The following STARD13 variants were observed in gnomAD, a reference collection of about 807,000 sequenced individuals.
STARD13 encodes the protein stAR-related lipid transfer protein 13.
A neutral mutation model predicts 106.4 loss-of-function variants in STARD13; 62 were observed. That is an observed-to-expected ratio of 0.58 (90% CI 0.48 to 0.72). The LOEUF is 0.72. Among genes scored for constraint, STARD13 ranks in the 30% least tolerant of loss-of-function variants. The pLI is 0.00. For missense variants in STARD13, 1,387 were observed against 1,424.0 expected, an observed-to-expected ratio of 0.97 and a Z score of 0.42; for synonymous variants, 565 against 553.0, an observed-to-expected ratio of 1.02 and a Z score of -0.31.
the STARD13 span, among the ~76,000 whole-genome samples, chr13:33,367,444 G>A: frequency 6.6e-6 from 1 of 152,050 alleles, no homozygotes; most frequent in Non-Finnish European, 1.5e-5. Context: ...TCAGTTAACT[G>A]CAGTAAGGAG....
chr13:33,442,960 A>T, the STARD13 span, among the ~76,000 whole-genome samples: 2 of 152,230 alleles, frequency 1.3e-5, no homozygotes, highest in African/African-American at 4.8e-5. Context: ...AAGAAGGAAT[A>T]GGGAGTTATT....
chr13:33,470,576 C>T, the STARD13 span, among the ~76,000 whole-genome samples: 3 of 152,216 alleles, frequency 2.0e-5, no homozygotes, highest in Non-Finnish European at 4.4e-5. Context: ...CACATCCTCT[C>T]CAGCATCTGT....
At chr13:33,242,624 G>A (rs900097989) in intron 1 of STARD13, among the ~76,000 whole-genome samples, 4 of 152,084 alleles carry the variant, frequency 2.6e-5, no homozygotes, top group South Asian at 2.1e-4. Context: ...GAAGGCGGCA[G>A]GGCCCTCTGC....
the STARD13 span, among the ~76,000 whole-genome samples, chr13:33,613,042 T>A: frequency 6.6e-6 from 1 of 152,244 alleles, no homozygotes; most frequent in Non-Finnish European, 1.5e-5. Context: ...TCTCTTTTTC[T>A]CAGAATTATA....
At chr13:33,410,213 T>C in the STARD13 span, among the ~76,000 whole-genome samples, 89 of 152,366 alleles carry the variant, frequency 5.8e-4, no homozygotes, top group Non-Finnish European at 1.1e-3. Context: ...GGTTAGGTCA[T>C]TGTCAGATGA....
the STARD13 span, among the ~76,000 whole-genome samples, chr13:33,662,217 A>T: frequency 6.6e-6 from 1 of 151,480 alleles, no homozygotes; most frequent in Non-Finnish European, 1.5e-5. Context: ...AGCCGAGATC[A>T]TGCCACTGTA....
At chr13:33,201,785 G>A (rs906086333) in intron 1 of STARD13, among the ~76,000 whole-genome samples, 1 of 152,126 alleles carries the variant, frequency 6.6e-6, no homozygotes, top group Non-Finnish European at 1.5e-5. Context: ...TGGAAGCATG[G>A]TAAGAAGTTG....
chr13:33,113,597 T>A (rs1161356687), intron 8 of STARD13: 1 of 513,100 alleles, frequency 1.9e-6, no homozygotes, highest in African/African-American at 1.9e-5. Context: ...GCTATTGACT[T>A]CATGTGGAGA....
chr13:33,609,248 ACT>A, the STARD13 span, among the ~76,000 whole-genome samples: 1 of 152,064 alleles, frequency 6.6e-6, no homozygotes, highest in Non-Finnish European at 1.5e-5. Flanking sequence ...TATTTTAAAA[ACT>A]CTGCAATAAC....
At chr13:33,158,082 A>G (rs1474635011) in intron 3 of STARD13, among the ~76,000 whole-genome samples, 1 of 152,208 alleles carries the variant, frequency 6.6e-6, no homozygotes, top group Non-Finnish European at 1.5e-5. Context: ...TCTACTATGC[A>G]GCCTTGCTGA....
chr13:33,230,087 A>C (rs551646386), intron 1 of STARD13, among the ~76,000 whole-genome samples: 5 of 152,340 alleles, frequency 3.3e-5, no homozygotes, highest in Non-Finnish European at 7.3e-5. Context: ...GCGAATTTGC[A>C]ATTATTGGGA....
At chr13:33,495,095 T>C in the STARD13 span, among the ~76,000 whole-genome samples, 1 of 152,196 alleles carries the variant, frequency 6.6e-6, no homozygotes, top group Non-Finnish European at 1.5e-5. Context: ...CTGTCAAGTA[T>C]AGTAATGCCA....
intron 1 of STARD13, among the ~76,000 whole-genome samples, chr13:33,250,312 T>C (rs970273032): frequency 6.6e-6 from 1 of 152,190 alleles, no homozygotes; most frequent in Non-Finnish European, 1.5e-5. Flanking sequence ...AAGTTCCCTA[T>C]AGGAAAGCTC....
chr13:33,431,055 A>G, the STARD13 span, among the ~76,000 whole-genome samples: 3 of 152,246 alleles, frequency 2.0e-5, no homozygotes, highest in East Asian at 3.8e-4. Flanking sequence ...CAAAATAGCT[A>G]GAAGAGAACA....
intron 1 of STARD13, chr13:33,277,501 C>T (rs1891509774): frequency 6.6e-6 from 1 of 152,112 alleles, no homozygotes; most frequent in African/African-American, 2.4e-5. Context: ...TCGGAGCCAC[C>T]CATCAGTGCC....
chr13:33,154,411 G>C (rs1881699096), intron 3 of STARD13, among the ~76,000 whole-genome samples: 1 of 152,186 alleles, frequency 6.6e-6, no homozygotes, highest in South Asian at 2.1e-4. Context: ...AAACATTGAG[G>C]GCTCTAGCTA....
the STARD13 span, among the ~76,000 whole-genome samples, chr13:33,370,693 A>G: frequency 7.0e-6 from 1 of 142,750 alleles, no homozygotes; most frequent in African/African-American, 2.7e-5. Context: ...ACCTTGGCTG[A>G]CTGCAACCTC....
chr13:33,319,070 A>C (rs1893452792), intron 1 of STARD13, among the ~76,000 whole-genome samples: 1 of 152,220 alleles, frequency 6.6e-6, no homozygotes, highest in South Asian at 2.1e-4. Context: ...AAAATTAAAA[A>C]CATTTGTTTA....
chr13:33,213,250 C>A (rs1887827060), intron 1 of STARD13, among the ~76,000 whole-genome samples: 1 of 151,782 alleles, frequency 6.6e-6, no homozygotes, highest in South Asian at 2.1e-4. Context: ...ATTTCTATGT[C>A]AATATTTGTA....
Sources: gnomAD v4.1 joint callset for allele counts (sites outside exome capture counted in the v4.1 genomes callset) on GRCh38, gnomAD v4.1.1 for gene constraint, MANE v1.5 for transcripts, NCBI Gene and HGNC (gene_info 2026-07-23, HGNC 2026-07-21) for gene names.